The following OTOGL variants were observed in gnomAD, a reference collection of about 807,000 sequenced individuals.
The protein encoded by OTOGL is otogelin-like protein.
OTOGL carries 285 observed loss-of-function variants against 318.5 expected under a neutral mutation model. That is an observed-to-expected ratio of 0.89 (90% CI 0.81 to 0.99). OTOGL has a LOEUF of 0.99. Ranked by LOEUF, OTOGL falls within the 50% of genes least tolerant of loss-of-function variation. The pLI is 0.00. For missense variants in OTOGL, 2,899 were observed against 2,845.6 expected (o/e 1.02, Z -0.43); for synonymous variants, 987 against 936.5 (o/e 1.05, Z -0.99).
chr12:80,356,825 G>T lies in OTOGL; in HGVS notation c.5930G>T (p.Cys1977Phe). ...TCTGCAGAATGTGACCCATTGAAATGCCCCAGTATTTCAACACCAGAATGC... is the reference window on the plus strand; with the variant it reads ...TCTGCAGAATGTGACCCATTGAAATTCCCCAGTATTTCAACACCAGAATGC... ...QYKCECDPLKCPSISTPECRE... is the reference protein window; with the variant it reads ...QYKCECDPLKFPSISTPECRE... Residue 1977 changes from cysteine to phenylalanine, a missense_variant, in exon 49 of 59, where the codon TGC (cysteine) becomes TTC (phenylalanine). Physicochemically the swap from Cys to Phe is radical, Grantham distance 205. Transcript: ENST00000547103. The T allele has an allele frequency of 6.3e-7, 1 of 1,593,110 alleles. No homozygotes were observed. The highest frequency in any genetic ancestry group is 1.4e-5 in the African/African-American group (1 of 73,990).
chr12:80,353,924 G>T (rs1889717560), intron 46 of OTOGL, among the ~76,000 whole-genome samples: 1 of 152,170 alleles, frequency 6.6e-6, no homozygotes, highest in Admixed American at 6.5e-5. Flanking sequence ...AAAGCATTTT[G>T]CATTTGACAT....
chr12:80,251,742 G>A lies in OTOGL; in HGVS notation c.1102G>A (p.Ala368Thr), dbSNP rs767747155. Residue 368 changes from alanine to threonine, a missense_variant, in exon 12 of 59, where the codon GCC becomes ACC. Ala to Thr is a moderately conservative substitution (Grantham distance 58). Around this residue, in one of 3 missense-constraint regions of OTOGL, gnomAD observed 2,607 missense variants for 2,524.9 expected, o/e 1.03. Coordinates refer to ENST00000547103, the MANE Select transcript of OTOGL (RefSeq NM_001378609.3). The stretch of plus-strand genomic sequence containing the variant: ...CCGAGCAGCCACTGAGTATGCTAGA[G>A]CCTGCTCTCATGCTGGCTACCCTAT... ...YCRAATEYAR[A>T]CSHAGYPIQD... The A allele has an allele frequency of 6.3e-6, 10 of 1,595,110 alleles. No individual in the cohort carries two copies. Among genetic ancestry groups the A allele is most frequent in the Non-Finnish European group, 6.8e-6 (8 of 1,170,084 alleles).
At chr12:80,344,235 T>C (rs1489966575) in intron 44 of OTOGL, among the ~76,000 whole-genome samples, 1 of 152,246 alleles carries the variant, frequency 6.6e-6, no homozygotes, top group Non-Finnish European at 1.5e-5. Context: ...TAAAGCATCA[T>C]GATTTTTTAA....
At position 80,327,125 on chromosome 12, in the gene OTOGL, A is replaced by G. The variant is rs1887723305; in HGVS notation, c.4200-1540A>G. Among the ~76,000 whole-genome samples, 4 of 152,280 alleles carry G rather than the reference A, an allele frequency of 2.6e-5. No homozygotes were observed. In the South Asian group the frequency reaches 8.3e-4, roughly 32 times the overall value. On this transcript the variant is annotated intron_variant, in intron 35 of 58. Coordinates refer to ENST00000547103, the MANE Select transcript of OTOGL (RefSeq NM_001378609.3). The stretch of plus-strand genomic sequence containing the variant: ...TAATAATTAGAGTTGGTTGCACCTG[A>G]AGGATTATATTTTTTTCCTTTGATT...
chr12:80,337,727 G>A (rs766482951), intron 42 of OTOGL, among the ~76,000 whole-genome samples: 4 of 151,966 alleles, frequency 2.6e-5, no homozygotes, highest in Non-Finnish European at 5.9e-5. Flanking sequence ...GAAGTACTAT[G>A]TACTTTCTGG....
At chr12:80,124,147 CTTCTAGGGT>C (rs1477410062) in intron 1 of OTOGL, among the ~76,000 whole-genome samples, 1 of 152,156 alleles carries the variant, frequency 6.6e-6, no homozygotes, top group Non-Finnish European at 1.5e-5. Flanking sequence ...CCTAGGTTTT[CTTCTAGGGT>C]TTTTATGGTT....
chr12:80,110,696 A>G (rs1352163169), intron 1 of OTOGL, among the ~76,000 whole-genome samples: 1 of 152,206 alleles, frequency 6.6e-6, no homozygotes, highest in African/African-American at 2.4e-5. Context: ...TATTGTGAAT[A>G]GTGCTGTGAT....
chr12:80,149,565 G>A (rs1193449929), intron 1 of OTOGL, among the ~76,000 whole-genome samples: 5 of 152,122 alleles, frequency 3.3e-5, no homozygotes, highest in Non-Finnish European at 7.4e-5. Context: ...ACAGAGGCAG[G>A]CAGGCCTCCT....
chr12:80,302,313 G>C (rs141406342), intron 27 of OTOGL, among the ~76,000 whole-genome samples: 1 of 152,286 alleles, frequency 6.6e-6, no homozygotes, highest in African/African-American at 2.4e-5. Flanking sequence ...TAAAATTTCT[G>C]ATTTGGCAGG....
At chr12:80,277,030 G>T in intron 24 of OTOGL, among the ~76,000 whole-genome samples, 1 of 150,588 alleles carries the variant, frequency 6.6e-6, no homozygotes, top group Non-Finnish European at 1.5e-5. Context: ...TTATAATCTT[G>T]AATTTTTATA....
chr12:80,356,778 A>G (rs1298484038), intron 48 of OTOGL, 29 bp from the exon 49 acceptor site: 1 of 1,420,808 alleles, frequency 7.0e-7, no homozygotes, highest in South Asian at 1.3e-5. Flanking sequence ...ATGCTATACA[A>G]ATTTTCTAAT....
chr12:80,231,342 A>C (rs999164069), intron 8 of OTOGL, among the ~76,000 whole-genome samples: 1 of 152,154 alleles, frequency 6.6e-6, no homozygotes, highest in African/African-American at 2.4e-5. Flanking sequence ...CAATTTAAAC[A>C]TTTAGCTATT....
chr12:80,206,347 G>A (rs1454822079), intron 1 of OTOGL, among the ~76,000 whole-genome samples: 4 of 151,992 alleles, frequency 2.6e-5, no homozygotes, highest in Admixed American at 2.0e-4. Context: ...AAAAGGACTT[G>A]GGATTTTTGT....
intron 34 of OTOGL, among the ~76,000 whole-genome samples, chr12:80,320,910 G>A (rs561663449): frequency 6.6e-6 from 1 of 152,174 alleles, no homozygotes; most frequent in East Asian, 1.9e-4. Context: ...GTTATGGTGA[G>A]TATTGAATAA....
intron 5 of OTOGL, 75 bp from the exon 6 acceptor site, chr12:80,219,739 C>A: frequency 2.2e-6 from 2 of 923,264 alleles, no homozygotes; most frequent in Non-Finnish European, 3.4e-6. Context: ...TTTGTCCAAG[C>A]TATATCTTGA....
chr12:80,102,024 C>T (rs1213100865), intron 1 of OTOGL, among the ~76,000 whole-genome samples: 1 of 152,152 alleles, frequency 6.6e-6, no homozygotes. Flanking sequence ...TCTTATGCAA[C>T]AATTTTTCCA....
In OTOGL at chr12:80,252,062, T is replaced by C; in HGVS notation, c.1160-14T>C. ...AATAAAATTGACTTAAGCTCCCCTG[T>C]TTGTCTGTTTTAGCTGATAAATGTG... is the stretch of plus-strand genomic sequence containing the variant. On this transcript the variant is annotated splice_polypyrimidine_tract_variant and intron_variant, in intron 12 of 58. Transcript: ENST00000547103. The C allele has an allele frequency of 6.6e-7, 1 of 1,517,336 alleles. No individual in the cohort carries two copies. The highest frequency in any genetic ancestry group is 8.9e-7 in the Non-Finnish European group (1 of 1,129,830). 94.0% of individuals were successfully genotyped at this position (1,517,336 alleles called of 1,614,324 possible).
intron 17 of OTOGL, 95 bp downstream of exon 17, chr12:80,256,555 T>A: frequency 6.9e-7 from 1 of 1,441,844 alleles, no homozygotes; most frequent in Non-Finnish European, 9.2e-7. Context: ...CTTTTCCTAA[T>A]GTTAGGCTGA....
chr12:80,206,075 T>C (rs1399869165), intron 1 of OTOGL, among the ~76,000 whole-genome samples: 1 of 152,208 alleles, frequency 6.6e-6, no homozygotes, highest in Non-Finnish European at 1.5e-5. Flanking sequence ...TCTTATGAAC[T>C]TAATATCACT....
Sources: allele counts gnomAD v4.1 joint callset (sites outside exome capture counted in the v4.1 genomes callset), GRCh38; gene constraint gnomAD v4.1.1; regional missense constraint gnomAD v4.1.1; transcripts MANE v1.5; gene names NCBI Gene and HGNC (gene_info 2026-07-23, HGNC 2026-07-21).